The following SLC66A2 variants were observed in gnomAD, a reference collection of about 807,000 sequenced individuals.
SLC66A2 encodes solute carrier family 66 member 2.
Under a neutral mutation model 25.5 loss-of-function variants are expected in SLC66A2, and 23 were observed. The ratio of observed to expected loss-of-function variants is 0.90; its 90% CI spans 0.65 to 1.28. The LOEUF is 1.28. Among genes scored for constraint, SLC66A2 ranks in the 50% most tolerant of loss-of-function variants. The probability of loss-of-function intolerance (pLI) is 0.00; values close to 1 mark genes in which losing one functional copy is unlikely to be tolerated. For synonymous variants in SLC66A2, 193 were observed against 166.5 expected (o/e 1.16, Z -1.23); for missense variants, 396 against 373.1 (o/e 1.06, Z -0.51).
intron 2 of SLC66A2, 75 bp downstream of exon 2, chr18:79,950,649 C>G: frequency 6.8e-7 from 1 of 1,479,148 alleles, no homozygotes; most frequent in South Asian, 1.2e-5. Context: ...GCTGCTCCCC[C>G]GGCCTCAACC....
At chr18:79,931,558 C>G (rs1986572031) in intron 4 of SLC66A2, among the ~76,000 whole-genome samples, 1 of 152,174 alleles carries the variant, frequency 6.6e-6, no homozygotes, top group African/African-American at 2.4e-5. Context: ...CTTCCACACC[C>G]ACATTTAGTA....
intron 5 of SLC66A2, among the ~76,000 whole-genome samples, chr18:79,907,334 G>GTTT (rs57635823): frequency 0.1 from 12,246 of 116,640 alleles, 1,062 homozygotes; most frequent in South Asian, 0.34. Context: ...TCTTTGTATA[G>GTTT]TTTTTTTTTT....
rs758277785 is a variant in SLC66A2, at chr18:79,927,269, CAG to C, written c.391+6698_391+6699del. On this transcript the variant is annotated intron_variant, in intron 4 of 5. Coordinates refer to ENST00000397778, the MANE Select transcript of SLC66A2 (RefSeq NM_025078.5). This position sits in a 1 kb window ranked among gnomAD's most constrained non-coding sequence, Gnocchi z 6.2. ...CTCAGCAGGACCCCAGGCGGGCACA[CAG>C]GGGCTCATCTGGAGGGACCTGAGGG... Among the ~76,000 whole-genome samples, 2 of 151,894 alleles carry C rather than the reference CAG, an allele frequency of 1.3e-5. No homozygotes were observed. Among genetic ancestry groups the C allele is most frequent in the East Asian group, 1.9e-4 (1 of 5,178 alleles).
intron 4 of SLC66A2, among the ~76,000 whole-genome samples, chr18:79,926,030 T>A (rs1049114692): frequency 5.3e-5 from 8 of 152,144 alleles, no homozygotes; most frequent in African/African-American, 1.9e-4. Flanking sequence ...GCCACAAGAG[T>A]GACCTCTGGT....
At chr18:79,910,980 C>T (rs1043868200) in intron 5 of SLC66A2, among the ~76,000 whole-genome samples, 1 of 152,390 alleles carries the variant, frequency 6.6e-6, no homozygotes, top group South Asian at 2.1e-4. Flanking sequence ...TGGAATGCCC[C>T]TGGCTGCCAG....
chr18:79,949,227 T>C (rs1267020259), intron 2 of SLC66A2, among the ~76,000 whole-genome samples: 1 of 152,128 alleles, frequency 6.6e-6, no homozygotes, highest in Non-Finnish European at 1.5e-5. Flanking sequence ...TGGCTGCCCA[T>C]GGCCAGGGCT....
At chr18:79,938,918 C>T (rs556997871) in intron 3 of SLC66A2, among the ~76,000 whole-genome samples, 4 of 152,306 alleles carry the variant, frequency 2.6e-5, no homozygotes, top group South Asian at 2.1e-4. Flanking sequence ...CCTCGTGATC[C>T]GCCCACCTCG....
At chr18:79,931,597 A>T (rs946372363) in intron 4 of SLC66A2, among the ~76,000 whole-genome samples, 3 of 152,234 alleles carry the variant, frequency 2.0e-5, no homozygotes, top group African/African-American at 7.2e-5. Context: ...CAGAAGAACA[A>T]TAAATCATAG....
intron 3 of SLC66A2, among the ~76,000 whole-genome samples, chr18:79,934,299 T>C (rs1986865978): frequency 1.3e-5 from 2 of 152,148 alleles, no homozygotes; most frequent in South Asian, 4.1e-4. Context: ...AGTTACCACA[T>C]TTCCATTTAA....
intron 5 of SLC66A2, among the ~76,000 whole-genome samples, chr18:79,907,161 T>C (rs1982233512): frequency 6.6e-6 from 1 of 152,240 alleles, no homozygotes; most frequent in Non-Finnish European, 1.5e-5. Flanking sequence ...GATTAGGCCA[T>C]TTACATTGAA....
In SLC66A2 at chr18:79,908,143, T is replaced by C. The variant is rs114668051; in HGVS notation, c.609-3960A>G. On this transcript the variant is annotated intron_variant, in intron 5 of 5. Coordinates refer to ENST00000397778, the MANE Select transcript of SLC66A2 (RefSeq NM_025078.5). ...AGAAGAAAAATATATATATTATATT[T>C]ACCCAGATATTGGCCATTTCTGTTG... is the stretch of plus-strand genomic sequence containing the variant. Among the ~76,000 whole-genome samples, 912 of 152,276 alleles carry C rather than the reference T, an allele frequency of 6.0e-3. 15 individuals carry two copies. The highest frequency in any genetic ancestry group is 0.021 in the African/African-American group (870 of 41,550).
intron 5 of SLC66A2, among the ~76,000 whole-genome samples, chr18:79,910,640 C>T (rs1182468123): frequency 2.6e-5 from 4 of 152,186 alleles, no homozygotes; most frequent in African/African-American, 9.7e-5. Flanking sequence ...TAAAAGAGAC[C>T]ATATGAACCA....
intron 4 of SLC66A2, among the ~76,000 whole-genome samples, chr18:79,919,665 A>T (rs529801358): frequency 4.1e-4 from 2 of 4,868 alleles, no homozygotes; most frequent in African/African-American, 4.3e-4. Context: ...GGGGAGAGAC[A>T]GGAACCGAGG....
Position 79,950,939 on chromosome 18 carries a change from C to T in SLC66A2, c.-13G>A, listed in dbSNP as rs1251333991. 6.6e-7 allele frequency: 1 copy of T among 1,526,254 alleles called. No individual in the cohort carries two copies. The highest frequency in any genetic ancestry group is 2.0e-5 in the Admixed American group (1 of 49,506). 94.5% of individuals were successfully genotyped at this position (1,526,254 alleles called of 1,614,324 possible). On this transcript the variant is annotated 5_prime_UTR_variant, in exon 2 of 6. Coordinates refer to ENST00000397778, the MANE Select transcript of SLC66A2 (RefSeq NM_025078.5). The stretch of plus-strand genomic sequence containing the variant: ...CCTCGGCCTCCATCGCAGCGCCCGC[C>T]TGGCCGAGGCTGTCACGGGCTCCGC...
At chr18:79,909,119 TCCTGCTA>T (rs1982558828) in intron 5 of SLC66A2, among the ~76,000 whole-genome samples, 1 of 152,266 alleles carries the variant, frequency 6.6e-6, no homozygotes, top group African/African-American at 2.4e-5. Context: ...GTGTTGCTTT[TCCTGCTA>T]CCAAGCACTT....
intron 4 of SLC66A2, chr18:79,930,418 T>C (rs1432990227): frequency 6.6e-6 from 1 of 151,926 alleles, no homozygotes; most frequent in Non-Finnish European, 1.5e-5. Flanking sequence ...ACTGAGAAAA[T>C]CTGTTGCTAG....
rs1229174795 is a variant in SLC66A2, at chr18:79,950,969, C to A, written c.-43G>T. 7.0e-7 allele frequency: 1 copy of A among 1,419,860 alleles called. No homozygotes were observed. 88.0% of individuals were successfully genotyped at this position (1,419,860 alleles called of 1,614,324 possible). On this transcript the variant is annotated 5_prime_UTR_variant, in exon 2 of 6. Coordinates refer to ENST00000397778, the MANE Select transcript of SLC66A2 (RefSeq NM_025078.5). Reference sequence around the variant, plus strand: ...CGAGGCTGTCACGGGCTCCGCGCCCCGCGGGCCACCGGCCGCCTGCTCATC... The same window carrying A: ...CGAGGCTGTCACGGGCTCCGCGCCCAGCGGGCCACCGGCCGCCTGCTCATC...
At chr18:79,932,861 ACT>A (rs1305144386) in intron 4 of SLC66A2, among the ~76,000 whole-genome samples, 1 of 152,220 alleles carries the variant, frequency 6.6e-6, no homozygotes, top group Non-Finnish European at 1.5e-5. Context: ...TCACTGGATA[ACT>A]CTAAAAATAT....
At chr18:79,948,303 G>A (rs143912825) in intron 2 of SLC66A2, among the ~76,000 whole-genome samples, 13 of 152,316 alleles carry the variant, frequency 8.5e-5, no homozygotes, top group African/African-American at 2.4e-4. Context: ...CCAGGAAACT[G>A]GGTTAATCTC....
Sources: gnomAD v4.1 joint callset for allele counts (sites outside exome capture counted in the v4.1 genomes callset) on GRCh38, gnomAD v4.1.1 for gene constraint, Gnocchi (gnomAD v3.1) non-coding constraint, MANE v1.5 for transcripts, NCBI Gene and HGNC (gene_info 2026-07-23, HGNC 2026-07-21) for gene names.